Variants in HTR1D observed in about 807,000 individuals in gnomAD.
The protein encoded by HTR1D is 5-hydroxytryptamine receptor 1D.
HTR1D carries 18 observed loss-of-function variants against 21.1 expected under a neutral mutation model. That is an observed-to-expected ratio of 0.85 (90% CI 0.59 to 1.27). The LOEUF is 1.27. Among genes scored for constraint, HTR1D ranks in the 50% most tolerant of loss-of-function variants. The pLI is 0.00. For missense variants in HTR1D, 456 were observed against 481.4 expected (o/e 0.95, Z 0.49); for synonymous variants, 196 against 204.4 (o/e 0.96, Z 0.35).
chr1:23,206,138 T>C (rs1373583573), intron 1 of HTR1D, among the ~76,000 whole-genome samples: 1 of 151,636 alleles, frequency 6.6e-6, no homozygotes, highest in Non-Finnish European at 1.5e-5. Context: ...GCCTCCTGGG[T>C]TCACGCCATT....
At chr1:23,200,612 G>C (rs1300788345) in intron 1 of HTR1D, among the ~76,000 whole-genome samples, 1 of 152,068 alleles carries the variant, frequency 6.6e-6, no homozygotes, top group Non-Finnish European at 1.5e-5. Flanking sequence ...GGCCTCAAGT[G>C]ATCCTTTCAC....
At chr1:23,208,833 T>C (rs1033855242) in intron 1 of HTR1D, among the ~76,000 whole-genome samples, 5 of 152,240 alleles carry the variant, frequency 3.3e-5, no homozygotes, top group Admixed American at 1.3e-4. Context: ...CTATTGGCCA[T>C]GTGTGGCCAT....
chr1:23,216,675 T>C (rs1481858679), intron 1 of HTR1D, among the ~76,000 whole-genome samples: 1 of 152,182 alleles, frequency 6.6e-6, no homozygotes. Flanking sequence ...CTTTACAGTT[T>C]CTAAAAAAAG....
At chr1:23,203,133 C>A (rs1311462006) in intron 1 of HTR1D, among the ~76,000 whole-genome samples, 2 of 152,046 alleles carry the variant, frequency 1.3e-5, no homozygotes, top group Non-Finnish European at 2.9e-5. Context: ...CTACTGACCT[C>A]AGGTGATCCC....
chr1:23,194,381 G>A lies in HTR1D; in HGVS notation c.-162C>T. On this transcript the variant is annotated 5_prime_UTR_variant, in exon 2 of 2. Coordinates refer to ENST00000374619, the MANE Select transcript of HTR1D (RefSeq NM_000864.5). ...GTCTCAAGACCAGACTATTCTCTAA[G>A]TACAGTTGCAATAAAATAAAATTAA... The A allele has an allele frequency of 2.0e-6, 1 of 510,044 alleles. No individual in the cohort carries two copies. The highest frequency in any genetic ancestry group is 3.5e-5 in the Admixed American group (1 of 28,678). The allele number at this position is 510,044 out of a possible 1,614,324, so 31.6% of individuals were successfully genotyped here. A position where few individuals can be genotyped will look rare whatever the true frequency, so the allele number is the denominator to read the frequency against.
intron 1 of HTR1D, among the ~76,000 whole-genome samples, chr1:23,195,883 C>T (rs1216111235): frequency 2.6e-5 from 4 of 152,266 alleles, no homozygotes; most frequent in African/African-American, 7.2e-5. Context: ...GGCTAGAGTG[C>T]GGTGGCATGA....
chr1:23,214,955 G>A (rs1367275499), intron 1 of HTR1D, among the ~76,000 whole-genome samples: 1 of 152,162 alleles, frequency 6.6e-6, no homozygotes, highest in Admixed American at 6.5e-5. Flanking sequence ...TACTAGGAGA[G>A]GAGCAGAGGG....
intron 1 of HTR1D, among the ~76,000 whole-genome samples, chr1:23,213,085 C>T (rs1408694308): frequency 6.6e-6 from 1 of 152,106 alleles, no homozygotes; most frequent in Non-Finnish European, 1.5e-5. Flanking sequence ...CTCAGCTTCC[C>T]AAAGTGCTGG....
At chr1:23,209,143 G>A (rs759334867) in intron 1 of HTR1D, among the ~76,000 whole-genome samples, 4 of 151,820 alleles carry the variant, frequency 2.6e-5, no homozygotes, top group African/African-American at 7.2e-5. Flanking sequence ...TTACAGGTGC[G>A]CACCACCAGC....
chr1:23,193,870 G>T lies in HTR1D; in HGVS notation c.350C>A (p.Ser117Tyr). 1 of 1,614,242 alleles carries T rather than the reference G, an allele frequency of 6.2e-7. No homozygotes were observed. Among genetic ancestry groups the T allele is most frequent in the Non-Finnish European group, 8.5e-7 (1 of 1,180,046 alleles). Residue 117 changes from serine to tyrosine, a missense_variant, in exon 2 of 2, where the codon TCT becomes TAT. Physicochemically the swap from Ser to Tyr is moderately radical, Grantham distance 144. Coordinates refer to ENST00000374619, the MANE Select transcript of HTR1D (RefSeq NM_000864.5). ...GQILCDIWLS[S>Y]DITCCTASIL... The stretch of plus-strand genomic sequence containing the variant: ...GGAGGCTGTGCAGCACGTGATGTCA[G>T]AGGACAGCCAGATGTCACACAAGAT...
intron 1 of HTR1D, among the ~76,000 whole-genome samples, chr1:23,203,173 ACAGGCATCAGCCAC>A (rs1644716475): frequency 6.6e-6 from 1 of 152,160 alleles, no homozygotes; most frequent in Non-Finnish European, 1.5e-5. Context: ...TGCTGGGATT[ACAGGCATCAGCCAC>A]CGCGCCCGGC....
intron 1 of HTR1D, among the ~76,000 whole-genome samples, chr1:23,215,610 AAAAGAATAGTC>A (rs1364776679): frequency 6.6e-6 from 1 of 152,212 alleles, no homozygotes; most frequent in Non-Finnish European, 1.5e-5. Flanking sequence ...ACTCTCACCA[AAAAGAATAGTC>A]ATCCATCCGT....
At chr1:23,210,126 T>C (rs613395) in intron 1 of HTR1D, among the ~76,000 whole-genome samples, 75,704 of 151,974 alleles carry the variant, frequency 0.5, 19,707 homozygotes, top group African/African-American at 0.66. Context: ...CTCTGTCACC[T>C]AGGCTGGAGT....
chr1:23,201,134 T>C (rs1343283887), intron 1 of HTR1D, among the ~76,000 whole-genome samples: 5 of 152,190 alleles, frequency 3.3e-5, no homozygotes, highest in Non-Finnish European at 7.3e-5. Flanking sequence ...GCCAATCAGA[T>C]TCTCTCTTGG....
intron 1 of HTR1D, among the ~76,000 whole-genome samples, chr1:23,196,398 C>T (rs185269922): frequency 3.9e-4 from 59 of 150,172 alleles, no homozygotes; most frequent in African/African-American, 1.2e-3. Flanking sequence ...GAGTCAAGAT[C>T]GTGCCATTAT....
chr1:23,195,444 A>AT lies in HTR1D; in HGVS notation c.-782-444dup, dbSNP rs575445696. Reference sequence around the variant, plus strand: ...AAATGTCCTATAGTGAGCATGAATAATTTTTTTTTTTTTGAGACAGAGTCT... The same window carrying AT: ...AAATGTCCTATAGTGAGCATGAATAATTTTTTTTTTTTTTGAGACAGAGTCT... On this transcript the variant is annotated intron_variant, in intron 1 of 1. Transcript: ENST00000374619. Among the ~76,000 whole-genome samples the AT allele has an allele frequency of 3.8e-3, 550 of 146,498 alleles. 3 individuals are homozygous for AT. The highest frequency in any genetic ancestry group is 0.01 in the East Asian group (52 of 5,058).
intron 1 of HTR1D, among the ~76,000 whole-genome samples, chr1:23,215,541 C>T (rs543421933): frequency 6.6e-6 from 1 of 152,350 alleles, no homozygotes; most frequent in East Asian, 1.9e-4. Flanking sequence ...ATGAAAGAGA[C>T]CTCTCAGGTC....
At chr1:23,203,640 G>GGCTACAAACAAC (rs1644718318) in intron 1 of HTR1D, among the ~76,000 whole-genome samples, 2 of 152,100 alleles carry the variant, frequency 1.3e-5, no homozygotes, top group African/African-American at 4.8e-5. Context: ...CTGGGCAACA[G>GGCTACAAACAAC]AGTGAGCCCC....
In HTR1D at chr1:23,194,922, C is replaced by G. The variant is rs150656473; in HGVS notation, c.-703G>C. ...AGACAAAACATCCTGGTTACCAAGA[C>G]TCGAAGAATGCATAAGCTGGGACCA... On this transcript the variant is annotated 5_prime_UTR_variant, in exon 2 of 2. Transcript: ENST00000374619. Among the ~76,000 whole-genome samples, 39 of 152,238 alleles carry G rather than the reference C, an allele frequency of 2.6e-4. No homozygotes were observed. Among genetic ancestry groups the G allele is most frequent in the Admixed American group, 7.9e-4 (12 of 15,278 alleles).
Sources: allele counts gnomAD v4.1 joint callset (sites outside exome capture counted in the v4.1 genomes callset), GRCh38; gene constraint gnomAD v4.1.1; transcripts MANE v1.5; gene names NCBI Gene and HGNC (gene_info 2026-07-23, HGNC 2026-07-21).